The following MPDZ variants were observed in gnomAD, a reference collection of about 807,000 sequenced individuals.
MPDZ encodes the protein multiple PDZ domain protein.
A neutral mutation model predicts 239.1 loss-of-function variants in MPDZ; 234 were observed. That is an observed-to-expected ratio of 0.98 (90% confidence interval 0.88 to 1.09). The LOEUF (loss-of-function observed/expected upper bound fraction) is 1.09. Ranked by LOEUF, MPDZ falls within the 50% of genes least tolerant of loss-of-function variation. MPDZ has a pLI of 0.00. For missense variants in MPDZ, 3,175 were observed against 2,510.0 expected (o/e 1.26, Z -5.66); for synonymous variants, 1,048 against 881.3 (o/e 1.19, Z -3.35).
chr9:13,212,834 G>A (rs1029957108), intron 10 of MPDZ, among the ~76,000 whole-genome samples: 3 of 147,210 alleles, frequency 2.0e-5, no homozygotes, highest in African/African-American at 5.0e-5. Context: ...CAACATCCTC[G>A]TAGTGTGCAC....
At chr9:13,146,851 C>T (rs1563902142) in intron 26 of MPDZ, among the ~76,000 whole-genome samples, 4 of 151,992 alleles carry the variant, frequency 2.6e-5, no homozygotes, top group Non-Finnish European at 5.9e-5. Context: ...TCCAAAGCCT[C>T]GCTCTGTATC....
At chr9:13,236,524 G>A (rs1162934046) in intron 3 of MPDZ, among the ~76,000 whole-genome samples, 4 of 150,676 alleles carry the variant, frequency 2.7e-5, no homozygotes, top group Admixed American at 6.6e-5. Flanking sequence ...CAGGTGACCC[G>A]CCCACCTCAG....
At chr9:13,223,438 TA>T in intron 5 of MPDZ, 132 bp downstream of exon 5, 5 of 1,042,680 alleles carry the variant, frequency 4.8e-6, no homozygotes, top group Non-Finnish European at 3.9e-6. Flanking sequence ...TAATGACTTC[TA>T]AAAACTGGTT....
chr9:13,145,565 C>T (rs982676914), intron 26 of MPDZ, among the ~76,000 whole-genome samples: 2 of 152,054 alleles, frequency 1.3e-5, no homozygotes. Flanking sequence ...TTTTAGATTA[C>T]TGGAGACCTA....
chr9:13,198,735 CTCTG>C (rs1316494971), intron 12 of MPDZ, among the ~76,000 whole-genome samples: 386 of 17,134 alleles, frequency 0.023, 2 homozygotes, highest in African/African-American at 0.027. Flanking sequence ...TAATCTCTCT[CTCTG>C]TGTGTGTGTG....
chr9:13,217,434 G>C, intron 8 of MPDZ, 140 bp from the exon 9 acceptor site: 1 of 601,882 alleles, frequency 1.7e-6, no homozygotes, highest in East Asian at 2.9e-5. Context: ...TTATAGCAGA[G>C]ACGATTCCTT....
chr9:13,173,076 GA>G, intron 21 of MPDZ, among the ~76,000 whole-genome samples: 1 of 152,200 alleles, frequency 6.6e-6, no homozygotes, highest in Non-Finnish European at 1.5e-5. Context: ...CAAATTCATA[GA>G]GACAGAAAAA....
chr9:13,139,800 G>C, intron 28 of MPDZ, 187 bp downstream of exon 28: 1 of 676,084 alleles, frequency 1.5e-6, no homozygotes, highest in Non-Finnish European at 2.6e-6. Context: ...GAAAGGAAGA[G>C]CATGATTTCA....
At chr9:13,156,244 T>C (rs1385294592) in intron 24 of MPDZ, among the ~76,000 whole-genome samples, 1 of 152,176 alleles carries the variant, frequency 6.6e-6, no homozygotes, top group African/African-American at 2.4e-5. Flanking sequence ...ATTAAGAAAC[T>C]TGTCTTAGAA....
At position 13,229,516 on chromosome 9, in the gene MPDZ, T is replaced by TA. The variant is rs1166795034; in HGVS notation, c.184-4934dup. On this transcript the variant is annotated intron_variant, in intron 3 of 46. Transcript: ENST00000319217. ...AAGGTCAGATGTTAACAAGATGATTTAAAAAAAAAAAAAGATAAAAATACC... is the reference window on the plus strand; with the variant it reads ...AAGGTCAGATGTTAACAAGATGATTTAAAAAAAAAAAAAAGATAAAAATACC... 2.0e-3 allele frequency among the ~76,000 whole-genome samples: 275 copies of TA among 141,014 alleles called. 1 individual carries two copies. Among genetic ancestry groups the TA allele is most frequent in the African/African-American group, 5.4e-3 (208 of 38,576 alleles). The allele number at this position is 141,014 out of a possible 152,430, so 92.5% of individuals were successfully genotyped here.
At chr9:13,191,985 G>C (rs930530428) in intron 15 of MPDZ, 146 bp downstream of exon 15, 1 of 662,986 alleles carries the variant, frequency 1.5e-6, no homozygotes. Context: ...TTCAAACCCA[G>C]ATTTGTCTGA....
At position 13,147,591 on chromosome 9, in the gene MPDZ, T is replaced by G; in HGVS notation, c.3698A>C (p.Asn1233Thr). 6.2e-7 allele frequency: 1 copy of G among 1,612,416 alleles called. No homozygotes were observed. The highest frequency in any genetic ancestry group is 8.5e-7 in the Non-Finnish European group (1 of 1,178,822). ...GCTCTGTACCATAAAGACTACAGGG[T>G]TGCCTGCTTTCCGAATGGCTTCCAC... ...QAVEAIRKAG[N>T]PVVFMVQSII... Residue 1233 changes from asparagine to threonine, a missense_variant, in exon 26 of 47, where the codon AAC becomes ACC. By Grantham distance (65) the Asn-to-Thr change is moderately conservative (BLOSUM62 0). Transcript: ENST00000319217.
At chr9:13,255,097 T>C (rs1175550506) in intron 1 of MPDZ, among the ~76,000 whole-genome samples, 1 of 152,238 alleles carries the variant, frequency 6.6e-6, no homozygotes, top group Admixed American at 6.5e-5. Context: ...TTTGTTTTCA[T>C]TTCAACGATG....
chr9:13,190,172 T>C lies in MPDZ; in HGVS notation c.2096A>G (p.Gln699Arg). Residue 699 changes from glutamine (Q) to arginine (R), a missense_variant, in exon 16 of 47, where the codon CAG becomes CGG. Coordinates refer to ENST00000319217, the MANE Select transcript of MPDZ (RefSeq NM_001378778.1). ...APLAMWEAGI[Q>R]HIELEKGSKG... Reference sequence around the variant, plus strand: ...GCTCCCTTTCTCCAGCTCTATGTGCTGAATGCCAGCCTCCCACATGGCCAA... The same window carrying C: ...GCTCCCTTTCTCCAGCTCTATGTGCCGAATGCCAGCCTCCCACATGGCCAA... 6.2e-7 allele frequency: 1 copy of C among 1,613,342 alleles called. No homozygotes were observed. Among genetic ancestry groups the C allele is most frequent in the Non-Finnish European group, 8.5e-7 (1 of 1,179,546 alleles).
chr9:13,116,752 T>G (rs1181552255), intron 39 of MPDZ, among the ~76,000 whole-genome samples: 1 of 152,122 alleles, frequency 6.6e-6, no homozygotes, highest in Non-Finnish European at 1.5e-5. Flanking sequence ...AATACAAAAG[T>G]GATTTACGCC....
At chr9:13,128,421 A>G (rs1316029564) in intron 32 of MPDZ, among the ~76,000 whole-genome samples, 1 of 152,220 alleles carries the variant, frequency 6.6e-6, no homozygotes, top group Non-Finnish European at 1.5e-5. Flanking sequence ...TGGGTAAATC[A>G]TCTTGGAAGC....
intron 34 of MPDZ, 67 bp downstream of exon 34, chr9:13,126,449 A>G: frequency 2.8e-6 from 3 of 1,077,352 alleles, no homozygotes; most frequent in Non-Finnish European, 2.7e-6. Flanking sequence ...ATGATCGCAG[A>G]CACAAACACT....
intron 39 of MPDZ, among the ~76,000 whole-genome samples, chr9:13,116,694 T>C (rs912051901): frequency 1.3e-5 from 2 of 152,196 alleles, no homozygotes; most frequent in African/African-American, 4.8e-5. Context: ...AACACTTCTC[T>C]TTCAAATATC....
At chr9:13,188,731 T>G in intron 17 of MPDZ, 53 bp downstream of exon 17, 1 of 1,526,156 alleles carries the variant, frequency 6.6e-7, no homozygotes, top group South Asian at 1.2e-5. Context: ...AGTAGACCTA[T>G]GAACCATTTT....
Sources: gnomAD v4.1 joint callset for allele counts (sites outside exome capture counted in the v4.1 genomes callset) on GRCh38, gnomAD v4.1.1 for gene constraint, MANE v1.5 for transcripts, NCBI Gene and HGNC (gene_info 2026-07-23, HGNC 2026-07-21) for gene names.